The following TMT1B variants were observed in gnomAD, a reference collection of about 807,000 sequenced individuals.
TMT1B encodes the protein thiol S-methyltransferase TMT1B.
chr12:55,682,380 C>T, the TMT1B span: 2 of 884,060 alleles, frequency 2.3e-6, no homozygotes, highest in Non-Finnish European at 3.4e-6. Flanking sequence ...CCACCTCTAC[C>T]TGCTGGTGAA....
the TMT1B span, among the ~76,000 whole-genome samples, chr12:55,683,096 C>G: frequency 6.6e-6 from 1 of 152,174 alleles, no homozygotes; most frequent in Non-Finnish European, 1.5e-5. Flanking sequence ...CAGCTTCAGT[C>G]AAGAGTTGGG....
the TMT1B span, chr12:55,684,361 T>G: frequency 3.0e-6 from 1 of 332,074 alleles, no homozygotes; most frequent in East Asian, 6.9e-5. Flanking sequence ...GTCCCTTTCC[T>G]TCGTTCCCAT....
At chr12:55,682,762 C>T in the TMT1B span, among the ~76,000 whole-genome samples, 2 of 151,042 alleles carry the variant, frequency 1.3e-5, no homozygotes, top group Non-Finnish European at 2.9e-5. Flanking sequence ...CCAGCCTGGG[C>T]CACAGAGTGA....
the TMT1B span, chr12:55,684,411 T>C: frequency 7.5e-5 from 17 of 226,900 alleles, no homozygotes; most frequent in Admixed American, 1.0e-4. Flanking sequence ...GCTACACCCA[T>C]GCGTCTCTAG....
At chr12:55,684,045 A>T in the TMT1B span, 1 of 1,612,876 alleles carries the variant, frequency 6.2e-7, no homozygotes. Flanking sequence ...AAGGCTGTCA[A>T]ATAATCTTTC....
At chr12:55,684,308 G>C in the TMT1B span, 2 of 445,630 alleles carry the variant, frequency 4.5e-6, no homozygotes, top group Admixed American at 3.7e-5. Flanking sequence ...ATCCTCAACT[G>C]CAAGTTTCTG....
At chr12:55,682,308 C>T in the TMT1B span, 1 of 1,556,132 alleles carries the variant, frequency 6.4e-7, no homozygotes, top group South Asian at 1.2e-5. Context: ...CATCAGCCGC[C>T]CCAGGGTTCG....
the TMT1B span, chr12:55,684,172 T>TA: frequency 1.1e-6 from 1 of 880,648 alleles, no homozygotes; most frequent in East Asian, 2.4e-5. Flanking sequence ...GACATTCATG[T>TA]ACCACCTACT....
chr12:55,682,060 CTT>C, the TMT1B span: 2 of 1,614,138 alleles, frequency 1.2e-6, no homozygotes, highest in Admixed American at 1.7e-5. Context: ...CAAATCCCCA[CTT>C]TGAGAAGTTC....
At chr12:55,684,061 C>T in the TMT1B span, 4 of 1,610,394 alleles carry the variant, frequency 2.5e-6, no homozygotes, top group Non-Finnish European at 3.4e-6. Context: ...CTTTCCCAAG[C>T]TCCAAGGCAC....
chr12:55,682,897 G>A, the TMT1B span, among the ~76,000 whole-genome samples: 2 of 152,174 alleles, frequency 1.3e-5, no homozygotes, highest in African/African-American at 2.4e-5. Flanking sequence ...AGATAGTAGG[G>A]GAAGTAGAGT....
the TMT1B span, chr12:55,683,767 G>C: frequency 3.8e-6 from 6 of 1,575,012 alleles, no homozygotes; most frequent in East Asian, 9.0e-5. Flanking sequence ...ATAGGGAGCA[G>C]GGTCAGAATG....
At chr12:55,684,251 C>G in the TMT1B span, 1 of 571,454 alleles carries the variant, frequency 1.7e-6, no homozygotes, top group Non-Finnish European at 3.1e-6. Flanking sequence ...AGTGAAAAAG[C>G]TCTACTTCTA....
chr12:55,682,400 T>C, the TMT1B span: 1 of 771,530 alleles, frequency 1.3e-6, no homozygotes. Context: ...ATAGGAGACA[T>C]GACCAGTGCC....
chr12:55,683,338 T>C, the TMT1B span, among the ~76,000 whole-genome samples: 1 of 151,658 alleles, frequency 6.6e-6, no homozygotes, highest in South Asian at 2.1e-4. Flanking sequence ...TACTGAAAAA[T>C]ACAAAAAGTA....
chr12:55,682,104 T>C, the TMT1B span: 1 of 1,614,144 alleles, frequency 6.2e-7, no homozygotes, highest in Non-Finnish European at 8.5e-7. Flanking sequence ...AACAGGCACC[T>C]CCAATATGAG....
At chr12:55,682,036 C>G in the TMT1B span, 1 of 1,614,280 alleles carries the variant, frequency 6.2e-7, no homozygotes, top group East Asian at 2.2e-5. Flanking sequence ...GCTGCAGGGT[C>G]ACCTGCCTAG....
chr12:55,683,817 G>A, the TMT1B span: 1 of 1,613,968 alleles, frequency 6.2e-7, no homozygotes, highest in South Asian at 1.1e-5. Context: ...TCCCAGGGAG[G>A]TGTGCTCTTT....
the TMT1B span, chr12:55,683,941 G>A: frequency 2.5e-6 from 4 of 1,614,004 alleles, no homozygotes; most frequent in Non-Finnish European, 3.4e-6. Flanking sequence ...GAGAGACCTG[G>A]AAGGATCTTG....
Sources: allele counts gnomAD v4.1 joint callset (sites outside exome capture counted in the v4.1 genomes callset), GRCh38; gene constraint gnomAD v4.1.1; transcripts MANE v1.5; gene names NCBI Gene and HGNC (gene_info 2026-07-23, HGNC 2026-07-21).